KCNMA1: variants seen among roughly 807,000 people sequenced by gnomAD.
The protein encoded by KCNMA1 is Calcium-activated potassium channel subunit alpha-1.
In KCNMA1, 29 loss-of-function variants were observed where a neutral mutation model predicts 140.0. The ratio of observed to expected loss-of-function variants is 0.21; its 90% CI spans 0.15 to 0.28. The LOEUF is 0.28. KCNMA1 is among the 10% of genes least tolerant of loss of function. The pLI, the probability that KCNMA1 is intolerant of heterozygous loss-of-function variation, is 1.00. For missense variants in KCNMA1, 880 were observed against 1,602.2 expected (o/e 0.55, Z 7.70); for synonymous variants, 612 against 611.9 (o/e 1.00, Z 0.00).
intron 2 of KCNMA1, among the ~76,000 whole-genome samples, chr10:77,395,454 G>A (rs955384484): frequency 6.6e-6 from 1 of 152,214 alleles, no homozygotes; most frequent in Non-Finnish European, 1.5e-5. Context: ...TGATCCCTGG[G>A]CTAATTAAAT....
chr10:77,501,949 CTG>C (rs1285254367), intron 1 of KCNMA1, among the ~76,000 whole-genome samples: 1 of 150,706 alleles, frequency 6.6e-6, no homozygotes, highest in Non-Finnish European at 1.5e-5. Flanking sequence ...CTGTGGCTGA[CTG>C]TGTGTCATCA....
rs528570784 is a variant in KCNMA1, at chr10:77,505,879, C to T, written c.379-101856G>A. Among the ~76,000 whole-genome samples, 9 of 152,184 alleles carry T rather than the reference C, an allele frequency of 5.9e-5. No homozygotes were observed. The South Asian group carries it at 1.0e-3, about 18-fold the overall frequency. On this transcript the variant is annotated intron_variant, in intron 1 of 27. Coordinates refer to ENST00000286628, the MANE Select transcript of KCNMA1 (RefSeq NM_001161352.2). ...TGACTAATCAGAAATGACAGAGTCACGAGACCAGCTGGAAGAGTACTGCAA... is the reference window on the plus strand; with the variant it reads ...TGACTAATCAGAAATGACAGAGTCATGAGACCAGCTGGAAGAGTACTGCAA...
intron 2 of KCNMA1, among the ~76,000 whole-genome samples, chr10:77,280,826 G>A (rs2068291003): frequency 6.6e-6 from 1 of 152,048 alleles, no homozygotes; most frequent in African/African-American, 2.4e-5. Flanking sequence ...ACCATGTCCT[G>A]CCTGTCCTCA....
chr10:77,598,711 G>A (rs780606727), intron 1 of KCNMA1, among the ~76,000 whole-genome samples: 10 of 152,312 alleles, frequency 6.6e-5, no homozygotes, highest in Middle Eastern at 3.4e-3. Flanking sequence ...CCCAGGCCAC[G>A]CCAAACAACC....
chr10:77,041,860 CA>C (rs2153589379), intron 14 of KCNMA1, among the ~76,000 whole-genome samples: 1 of 152,272 alleles, frequency 6.6e-6, no homozygotes, highest in Non-Finnish European at 1.5e-5. Context: ...GGCAGCCAGT[CA>C]GTCAGTTCAC....
At chr10:77,336,532 T>C (rs1361677800) in intron 2 of KCNMA1, among the ~76,000 whole-genome samples, 2 of 152,062 alleles carry the variant, frequency 1.3e-5, no homozygotes, top group Non-Finnish European at 2.9e-5. Context: ...TTAAATTGAA[T>C]GTCTGTGAGC....
chr10:77,039,714 A>G, intron 14 of KCNMA1, 77 bp from the exon 15 acceptor site: 1 of 878,276 alleles, frequency 1.1e-6, no homozygotes, highest in South Asian at 1.4e-5. Flanking sequence ...TTACACTCTT[A>G]GGCAAACAAA....
chr10:77,057,129 T>C (rs1476052827), intron 14 of KCNMA1, among the ~76,000 whole-genome samples: 1 of 152,108 alleles, frequency 6.6e-6, no homozygotes, highest in African/African-American at 2.4e-5. Context: ...AGACACATTG[T>C]AAGCAAACAA....
chr10:76,944,703 G>A, intron 23 of KCNMA1, 70 bp downstream of exon 23: 1 of 1,407,842 alleles, frequency 7.1e-7, no homozygotes, highest in Non-Finnish European at 1.0e-6. Context: ...ATTACTGAGT[G>A]AAGGATATCC....
intron 1 of KCNMA1, among the ~76,000 whole-genome samples, chr10:77,534,950 G>A (rs1445972123): frequency 6.6e-6 from 1 of 152,032 alleles, no homozygotes. Flanking sequence ...ACCTACAACT[G>A]CAATCTATAC....
At chr10:77,110,555 T>A (rs1481376708) in intron 7 of KCNMA1, among the ~76,000 whole-genome samples, 1 of 152,172 alleles carries the variant, frequency 6.6e-6, no homozygotes, top group African/African-American at 2.4e-5. Context: ...CTGCAGGAGA[T>A]GTCTTCCTGG....
intron 3 of KCNMA1, among the ~76,000 whole-genome samples, chr10:77,188,527 G>T: frequency 6.6e-6 from 1 of 152,186 alleles, no homozygotes; most frequent in East Asian, 1.9e-4. Flanking sequence ...CCATGACTGA[G>T]CACCTTCAAA....
chr10:77,466,151 T>C (rs1280786572), intron 1 of KCNMA1, among the ~76,000 whole-genome samples: 1 of 152,168 alleles, frequency 6.6e-6, no homozygotes, highest in African/African-American at 2.4e-5. Flanking sequence ...GAAGCCTGGC[T>C]GCCCTCACTC....
At chr10:77,286,815 C>T (rs2071127882) in intron 2 of KCNMA1, among the ~76,000 whole-genome samples, 1 of 150,018 alleles carries the variant, frequency 6.7e-6, no homozygotes, top group African/African-American at 2.4e-5. Flanking sequence ...CTCATTTATA[C>T]ACCCTCCTCT....
chr10:77,102,104 C>A (rs1316796876), intron 9 of KCNMA1, among the ~76,000 whole-genome samples: 2 of 152,194 alleles, frequency 1.3e-5, no homozygotes, highest in East Asian at 3.8e-4. Flanking sequence ...CATCTGTCCC[C>A]AGTGCCTGGT....
intron 5 of KCNMA1, among the ~76,000 whole-genome samples, chr10:77,178,541 C>T (rs188218073): frequency 6.6e-5 from 10 of 152,168 alleles, no homozygotes; most frequent in Admixed American, 5.9e-4. Flanking sequence ...CCCGTCTCTA[C>T]TAAAAATACA....
At chr10:77,570,894 G>A (rs989595486) in intron 1 of KCNMA1, among the ~76,000 whole-genome samples, 2 of 149,902 alleles carry the variant, frequency 1.3e-5, no homozygotes, top group South Asian at 4.2e-4. Flanking sequence ...TTGCGCCACT[G>A]CACTAGAACC....
chr10:77,007,654 T>TATATAC (rs2089425531), intron 18 of KCNMA1, among the ~76,000 whole-genome samples: 1 of 4,660 alleles, frequency 2.1e-4, no homozygotes, highest in African/African-American at 1.1e-3. Flanking sequence ...TGTGTGTGTG[T>TATATAC]ATATATATAT....
intron 1 of KCNMA1, among the ~76,000 whole-genome samples, chr10:77,479,018 G>C (rs1358450760): frequency 6.6e-6 from 1 of 152,106 alleles, no homozygotes; most frequent in African/African-American, 2.4e-5. Flanking sequence ...ATATATTTGG[G>C]GGAAAATAAA....
Sources: allele counts gnomAD v4.1 joint callset (sites outside exome capture counted in the v4.1 genomes callset), GRCh38; gene constraint gnomAD v4.1.1; transcripts MANE v1.5; gene names NCBI Gene and HGNC (gene_info 2026-07-23, HGNC 2026-07-21).